FER: variants seen among roughly 807,000 people sequenced by gnomAD.
FER encodes tyrosine-protein kinase Fer.
In FER, 63 loss-of-function variants were observed where a neutral mutation model predicts 111.0. The observed-to-expected ratio is 0.57, with a 90% CI of 0.46 to 0.70. The LOEUF (loss-of-function observed/expected upper bound fraction) is 0.70. Ranked by LOEUF, FER falls within the 30% of genes least tolerant of loss-of-function variation. FER has a pLI of 0.00. For missense variants in FER, 914 were observed against 954.0 expected (o/e 0.96, Z 0.55); for synonymous variants, 327 against 313.9 (o/e 1.04, Z -0.44).
intron 10 of FER, among the ~76,000 whole-genome samples, chr5:108,943,448 T>A (rs1000134911): frequency 1.3e-5 from 2 of 152,118 alleles, no homozygotes; most frequent in African/African-American, 2.4e-5. Context: ...TGAGAACTGT[T>A]ATATGCTTTT....
chr5:108,881,159 A>G (rs961648753), intron 8 of FER, among the ~76,000 whole-genome samples: 17 of 152,158 alleles, frequency 1.1e-4, no homozygotes, highest in African/African-American at 9.6e-5. Flanking sequence ...CACATACCAC[A>G]TAAATATATT....
At chr5:109,110,352 A>G (rs1194523789) in intron 17 of FER, among the ~76,000 whole-genome samples, 2 of 152,134 alleles carry the variant, frequency 1.3e-5, no homozygotes, top group Non-Finnish European at 2.9e-5. Flanking sequence ...TAGGGTGTTA[A>G]GAGAAGACCC....
At chr5:109,117,733 A>G (rs1249581556) in intron 17 of FER, among the ~76,000 whole-genome samples, 2 of 151,216 alleles carry the variant, frequency 1.3e-5, no homozygotes, top group Admixed American at 6.6e-5. Context: ...CATCCCTTGT[A>G]AGTTGGATTC....
intron 10 of FER, among the ~76,000 whole-genome samples, chr5:108,938,040 A>T (rs997579829): frequency 1.8e-5 from 2 of 111,650 alleles, no homozygotes; most frequent in South Asian, 2.5e-4. Context: ...ACACACACAC[A>T]CACACACACA....
chr5:108,845,055 T>TATATATATATATATAC (rs1761873755), intron 5 of FER, among the ~76,000 whole-genome samples: 1 of 53,502 alleles, frequency 1.9e-5, no homozygotes, highest in Admixed American at 1.8e-4. Flanking sequence ...TATATATATA[T>TATATATATATATATAC]ATATATATAT....
At chr5:108,820,042 A>T in intron 3 of FER, 1 of 985,378 alleles carries the variant, frequency 1.0e-6, no homozygotes, top group South Asian at 4.7e-5. Context: ...TGGAAAGGGA[A>T]TGGGAAAGAG....
intron 13 of FER, among the ~76,000 whole-genome samples, chr5:108,968,200 A>G (rs1760156249): frequency 6.6e-6 from 1 of 152,210 alleles, no homozygotes; most frequent in African/African-American, 2.4e-5. Context: ...AAGCCTGGCC[A>G]ACATGGCAAA....
intron 13 of FER, among the ~76,000 whole-genome samples, chr5:109,021,365 A>T (rs1440640080): frequency 6.6e-6 from 1 of 152,026 alleles, no homozygotes; most frequent in East Asian, 1.9e-4. Context: ...TATGTACATT[A>T]TTTTTAAAAA....
At chr5:109,150,071 A>G (rs183178175) in intron 17 of FER, among the ~76,000 whole-genome samples, 86 of 152,132 alleles carry the variant, frequency 5.7e-4, no homozygotes, top group African/African-American at 1.9e-3. Flanking sequence ...TTCATCCCCA[A>G]AATATCCCCA....
At chr5:109,127,415 A>AT (rs1751852151) in intron 17 of FER, among the ~76,000 whole-genome samples, 1 of 151,606 alleles carries the variant, frequency 6.6e-6, no homozygotes, top group South Asian at 2.1e-4. Flanking sequence ...TTTTATTTGT[A>AT]TTTTTTTGAG....
intron 10 of FER, among the ~76,000 whole-genome samples, chr5:108,918,619 T>C (rs552549349): frequency 6.6e-5 from 10 of 152,154 alleles, no homozygotes; most frequent in Middle Eastern, 3.4e-3. Flanking sequence ...CCCGAGTAGC[T>C]GGGACTACAG....
intron 16 of FER, among the ~76,000 whole-genome samples, chr5:109,077,832 G>A (rs956656590): frequency 2.0e-5 from 3 of 152,010 alleles, no homozygotes; most frequent in African/African-American, 2.4e-5. Flanking sequence ...ATTGGACAAA[G>A]CATTATAAAG....
intron 13 of FER, among the ~76,000 whole-genome samples, chr5:109,018,305 A>G (rs80195484): frequency 0.011 from 1,600 of 151,914 alleles, 24 homozygotes; most frequent in African/African-American, 0.036. Flanking sequence ...TTAGAAATAG[A>G]TTGTCTTCTG....
In FER at chr5:109,044,660, G is replaced by T; in HGVS notation, c.1714-20G>T. The T allele has an allele frequency of 8.1e-7, 1 of 1,228,428 alleles. No homozygotes were observed. Among genetic ancestry groups the T allele is most frequent in the South Asian group, 1.5e-5 (1 of 67,570 alleles). 76.1% of individuals were successfully genotyped at this position (1,228,428 alleles called of 1,614,324 possible). ...CATGCTGTCATTTACCCCAGACAAT[G>T]AATGTATTTCTATTTTCAGGGAAAT... is the stretch of plus-strand genomic sequence containing the variant. On this transcript the variant is annotated intron_variant, in intron 14 of 19. Coordinates refer to ENST00000281092, the MANE Select transcript of FER (RefSeq NM_005246.4).
intron 16 of FER, among the ~76,000 whole-genome samples, chr5:109,081,980 T>A (rs1264934241): frequency 6.6e-6 from 1 of 152,024 alleles, no homozygotes; most frequent in Non-Finnish European, 1.5e-5. Flanking sequence ...TCTGAACCAT[T>A]ATAACATATT....
chr5:108,755,337 T>C (rs1224620492), intron 1 of FER, among the ~76,000 whole-genome samples: 1 of 152,198 alleles, frequency 6.6e-6, no homozygotes, highest in Non-Finnish European at 1.5e-5. Context: ...CTCCTTGGAG[T>C]TGAACACTTC....
rs1462064084 is a variant in FER, at chr5:109,051,609, A to C, written c.1924+4411A>C. On this transcript the variant is annotated intron_variant, in intron 16 of 19. Transcript: ENST00000281092. ...TGTCGCCATTAACCAGCTTGTACCCAGGAAGAGACATAGGCGAGAGGGGAG... is the reference window on the plus strand; with the variant it reads ...TGTCGCCATTAACCAGCTTGTACCCCGGAAGAGACATAGGCGAGAGGGGAG... The C allele has an allele frequency of 1.9e-6, 3 of 1,602,188 alleles. No homozygotes were observed. In the African/African-American group the frequency reaches 4.0e-5, roughly 21 times the overall value.
In FER at chr5:108,947,384, C is replaced by T. The variant is rs1757126074; in HGVS notation, c.1329+1162C>T. ...TGTTATTTTAAATGTTTTCATGTTA[C>T]AGGCATTCTAGTGGGCGTGAAGTAG... On this transcript the variant is annotated intron_variant, in intron 11 of 19. Coordinates refer to ENST00000281092, the MANE Select transcript of FER (RefSeq NM_005246.4). 3.9e-5 allele frequency among the ~76,000 whole-genome samples: 6 copies of T among 151,966 alleles called. No individual in the cohort carries two copies. In the South Asian group the frequency reaches 1.2e-3, roughly 31 times the overall value.
intron 9 of FER, among the ~76,000 whole-genome samples, chr5:108,895,650 C>T (rs1489154000): frequency 6.6e-6 from 1 of 152,138 alleles, no homozygotes; most frequent in Non-Finnish European, 1.5e-5. Context: ...CTGAATAATA[C>T]AGGATAATCG....
Sources: allele counts gnomAD v4.1 joint callset (sites outside exome capture counted in the v4.1 genomes callset), GRCh38; gene constraint gnomAD v4.1.1; transcripts MANE v1.5; gene names NCBI Gene and HGNC (gene_info 2026-07-23, HGNC 2026-07-21).